SYT9: variants seen among roughly 807,000 people sequenced by gnomAD.
The protein encoded by SYT9 is synaptotagmin 9, also known as synaptotagmin-9.
Under a neutral mutation model 48.4 loss-of-function variants are expected in SYT9, and 22 were observed. The observed-to-expected ratio is 0.45, with a 90% CI of 0.32 to 0.65. SYT9 has a LOEUF of 0.65. Among genes scored for constraint, SYT9 ranks in the 30% least tolerant of loss-of-function variants. The pLI is 0.03. For synonymous variants in SYT9, 265 were observed against 245.0 expected, an observed-to-expected ratio of 1.08 and a Z score of -0.76; for missense variants, 577 against 622.0, an observed-to-expected ratio of 0.93 and a Z score of 0.77.
At chr11:7,383,678 GCCTTTTTATCAA>G (rs1850606625) in intron 3 of SYT9, among the ~76,000 whole-genome samples, 1 of 152,038 alleles carries the variant, frequency 6.6e-6, no homozygotes, top group South Asian at 2.1e-4. Context: ...TTCTCATTTA[GCCTTTTTATCAA>G]CCTTATGCTG....
chr11:7,413,707 A>G lies in SYT9; in HGVS notation c.1045-2335A>G, dbSNP rs79073923. On this transcript the variant is annotated intron_variant, in intron 3 of 6. Transcript: ENST00000318881. ...TTCCAAGTGTGAATATCTACTTGCTATTTTGGTTCTTTTCCATGGTAGAGG... is the reference window on the plus strand; with the variant it reads ...TTCCAAGTGTGAATATCTACTTGCTGTTTTGGTTCTTTTCCATGGTAGAGG... Among the ~76,000 whole-genome samples, 1,107 of 148,834 alleles carry G rather than the reference A, an allele frequency of 7.4e-3. 12 individuals are homozygous for G. The highest frequency in any genetic ancestry group is 0.026 in the African/African-American group (1,058 of 40,462).
At chr11:7,350,095 A>G (rs976370213) in intron 3 of SYT9, among the ~76,000 whole-genome samples, 1 of 152,256 alleles carries the variant, frequency 6.6e-6, no homozygotes, top group Non-Finnish European at 1.5e-5. Flanking sequence ...ATGATACATC[A>G]GAGGCTGAAT....
At chr11:7,360,817 C>T (rs975753685) in intron 3 of SYT9, among the ~76,000 whole-genome samples, 1 of 152,132 alleles carries the variant, frequency 6.6e-6, no homozygotes, top group African/African-American at 2.4e-5. Context: ...AAGATATTGT[C>T]TCCTTGAAGA....
chr11:7,393,631 T>C lies in SYT9; in HGVS notation c.1045-22411T>C, dbSNP rs141995942. 1.7e-3 allele frequency among the ~76,000 whole-genome samples: 264 copies of C among 152,178 alleles called. 4 individuals are homozygous for C. In the East Asian group the frequency reaches 0.038, roughly 22 times the overall value. ...TACTGGTTTTCTAGAATGAGCCTCCTTCTCAATTTTTGGAATAGTTTCTGA... is the reference window on the plus strand; with the variant it reads ...TACTGGTTTTCTAGAATGAGCCTCCCTCTCAATTTTTGGAATAGTTTCTGA... On this transcript the variant is annotated intron_variant, in intron 3 of 6. Transcript: ENST00000318881.
chr11:7,256,974 GAACA>G (rs373815427), intron 1 of SYT9, among the ~76,000 whole-genome samples: 58 of 152,150 alleles, frequency 3.8e-4, no homozygotes, highest in African/African-American at 1.4e-3. Context: ...TAGGGAGCTG[GAACA>G]AACAAACAAA....
At chr11:7,399,789 G>A (rs1846846599) in intron 3 of SYT9, among the ~76,000 whole-genome samples, 2 of 152,222 alleles carry the variant, frequency 1.3e-5, no homozygotes, top group Admixed American at 6.5e-5. Context: ...GCCGTCACAG[G>A]CAAAAGCTTG....
chr11:7,420,421 C>T (rs1847329835), intron 5 of SYT9, 85 bp from the exon 6 acceptor site: 1 of 1,509,246 alleles, frequency 6.6e-7, no homozygotes, highest in South Asian at 1.2e-5. Flanking sequence ...ACCACATCCC[C>T]AATTCCTTCA....
rs190803133 is a variant in SYT9, at chr11:7,339,589, C to A, written c.1044+25648C>A. On this transcript the variant is annotated intron_variant, in intron 3 of 6. Coordinates refer to ENST00000318881, the MANE Select transcript of SYT9 (RefSeq NM_175733.4). ...TAGCATTTGCTTGTCGGAAAAGGAT[C>A]TTATTTCTCCTTTACTAGGGAAGCT... is the stretch of plus-strand genomic sequence containing the variant. Among the ~76,000 whole-genome samples, 4 of 152,212 alleles carry A rather than the reference C, an allele frequency of 2.6e-5. No homozygotes were observed. The East Asian group carries it at 7.7e-4, about 29-fold the overall frequency.
chr11:7,253,014 T>G (rs1419602474), intron 1 of SYT9, among the ~76,000 whole-genome samples: 4 of 152,244 alleles, frequency 2.6e-5, no homozygotes, highest in Non-Finnish European at 4.4e-5. Context: ...GGTCCTGGCT[T>G]GTGCACCTGT....
intron 3 of SYT9, among the ~76,000 whole-genome samples, chr11:7,360,259 G>A (rs1589971301): frequency 6.6e-6 from 1 of 152,094 alleles, no homozygotes; most frequent in African/African-American, 2.4e-5. Flanking sequence ...CTGTAGACTT[G>A]TAGTATAGTT....
chr11:7,300,538 C>T (rs1440949284), intron 1 of SYT9, among the ~76,000 whole-genome samples: 1 of 152,210 alleles, frequency 6.6e-6, no homozygotes, highest in Non-Finnish European at 1.5e-5. Flanking sequence ...TTCCTAAATC[C>T]TACGGCCTCC....
chr11:7,361,795 A>G (rs1197970164), intron 3 of SYT9, among the ~76,000 whole-genome samples: 2 of 152,204 alleles, frequency 1.3e-5, no homozygotes, highest in Non-Finnish European at 2.9e-5. Context: ...TAGTAAAAGA[A>G]TTACATTTTT....
At chr11:7,330,819 C>G (rs1445780262) in intron 3 of SYT9, among the ~76,000 whole-genome samples, 1 of 152,152 alleles carries the variant, frequency 6.6e-6, no homozygotes, top group East Asian at 1.9e-4. Flanking sequence ...GCCTCAGCCT[C>G]CTGAGTAGCT....
At chr11:7,355,728 A>G (rs770555027) in intron 3 of SYT9, among the ~76,000 whole-genome samples, 2 of 152,368 alleles carry the variant, frequency 1.3e-5, no homozygotes, top group Non-Finnish European at 2.9e-5. Flanking sequence ...CATCTGGTCA[A>G]ATGATATATA....
intron 3 of SYT9, among the ~76,000 whole-genome samples, chr11:7,321,073 C>G (rs1564861246): frequency 6.6e-6 from 1 of 152,080 alleles, no homozygotes; most frequent in Non-Finnish European, 1.5e-5. Context: ...CGGAGACTGT[C>G]TCTGGGAGCT....
chr11:7,328,222 T>A (rs539916032), intron 3 of SYT9, among the ~76,000 whole-genome samples: 18 of 152,176 alleles, frequency 1.2e-4, no homozygotes, highest in East Asian at 1.9e-4. Context: ...GGATTTTTTT[T>A]AAATCCATTC....
At chr11:7,295,357 C>A (rs754832507) in intron 1 of SYT9, among the ~76,000 whole-genome samples, 1 of 152,188 alleles carries the variant, frequency 6.6e-6, no homozygotes, top group South Asian at 2.1e-4. Flanking sequence ...AACATAAACA[C>A]AATTCAGCAA....
intron 6 of SYT9, chr11:7,444,655 G>A (rs1020845664): frequency 4.6e-5 from 7 of 152,114 alleles, no homozygotes; most frequent in Non-Finnish European, 1.0e-4. Flanking sequence ...CATAGCCAAT[G>A]GAGGCTTTCT....
chr11:7,266,941 T>C (rs1207854198), intron 1 of SYT9, among the ~76,000 whole-genome samples: 1 of 152,118 alleles, frequency 6.6e-6, no homozygotes, highest in Non-Finnish European at 1.5e-5. Context: ...GGAAGTAGTT[T>C]CATTAAATAT....
Sources: allele counts gnomAD v4.1 joint callset (sites outside exome capture counted in the v4.1 genomes callset), GRCh38; gene constraint gnomAD v4.1.1; transcripts MANE v1.5; gene names NCBI Gene and HGNC (gene_info 2026-07-23, HGNC 2026-07-21).